TRIQK: variants seen among roughly 807,000 people sequenced by gnomAD.
TRIQK encodes the protein triple QxxK/R motif-containing protein.
TRIQK carries 10 observed loss-of-function variants against 10.8 expected under a neutral mutation model. The ratio of observed to expected loss-of-function variants is 0.92; its 90% CI spans 0.57 to 1.57. The LOEUF (loss-of-function observed/expected upper bound fraction) is 1.57. Among genes scored for constraint, TRIQK ranks in the 40% most tolerant of loss-of-function variants. The pLI is 0.00. For synonymous variants in TRIQK, 33 were observed against 33.7 expected, an observed-to-expected ratio of 0.98 and a Z score of 0.07; for missense variants, 107 against 97.7, an observed-to-expected ratio of 1.09 and a Z score of -0.40.
chr8:92,991,919 A>G (rs1813099672), intron 1 of TRIQK, among the ~76,000 whole-genome samples: 1 of 152,180 alleles, frequency 6.6e-6, no homozygotes, highest in Non-Finnish European at 1.5e-5. Context: ...TACAAAGAGA[A>G]TAAAATACCT....
intron 1 of TRIQK, among the ~76,000 whole-genome samples, chr8:93,009,099 A>C (rs1813302631): frequency 6.6e-6 from 1 of 152,244 alleles, no homozygotes; most frequent in Non-Finnish European, 1.5e-5. Flanking sequence ...GCAATGGGTT[A>C]CTATCCGGAA....
chr8:93,003,239 G>A (rs897009431), intron 1 of TRIQK, among the ~76,000 whole-genome samples: 4 of 151,548 alleles, frequency 2.6e-5, no homozygotes, highest in Admixed American at 2.6e-4. Flanking sequence ...TGGCTGGGTG[G>A]GGGCGGTGCT....
At chr8:92,911,131 G>A (rs1809545496) in intron 3 of TRIQK, among the ~76,000 whole-genome samples, 1 of 151,266 alleles carries the variant, frequency 6.6e-6, no homozygotes, top group Non-Finnish European at 1.5e-5. Context: ...TTGAGAAAAA[G>A]TAAGAGTGGA....
At chr8:92,987,383 G>A (rs185976634) in intron 1 of TRIQK, among the ~76,000 whole-genome samples, 7 of 152,266 alleles carry the variant, frequency 4.6e-5, no homozygotes, top group African/African-American at 1.7e-4. Flanking sequence ...CAACTAAAAG[G>A]AGAATTAGTT....
At chr8:92,931,066 T>C (rs1810698953) in intron 2 of TRIQK, among the ~76,000 whole-genome samples, 2 of 152,174 alleles carry the variant, frequency 1.3e-5, no homozygotes, top group Non-Finnish European at 2.9e-5. Flanking sequence ...CTCAGAATTT[T>C]CAATAAATTT....
chr8:92,980,119 A>C (rs937717426), intron 1 of TRIQK, among the ~76,000 whole-genome samples: 2 of 151,992 alleles, frequency 1.3e-5, no homozygotes, highest in Non-Finnish European at 2.9e-5. Flanking sequence ...AGAACACTCT[A>C]TTTTGGACTT....
chr8:92,900,028 C>T (rs936709331), intron 3 of TRIQK, among the ~76,000 whole-genome samples: 1 of 152,130 alleles, frequency 6.6e-6, no homozygotes, highest in East Asian at 1.9e-4. Context: ...TTTCATACAC[C>T]TGTTTGCTAC....
intron 2 of TRIQK, chr8:92,929,471 C>T (rs960884379): frequency 2.0e-5 from 3 of 152,100 alleles, no homozygotes; most frequent in African/African-American, 7.2e-5. Flanking sequence ...AAAATACCCA[C>T]AAATATTTTA....
intron 3 of TRIQK, among the ~76,000 whole-genome samples, chr8:92,896,471 A>T (rs542334288): frequency 6.6e-6 from 1 of 152,154 alleles, no homozygotes; most frequent in African/African-American, 2.4e-5. Flanking sequence ...GAGAAAAGCC[A>T]CCTCAGAGAC....
chr8:92,901,410 G>T (rs1212070493), intron 3 of TRIQK, among the ~76,000 whole-genome samples: 1 of 152,038 alleles, frequency 6.6e-6, no homozygotes, highest in Non-Finnish European at 1.5e-5. Context: ...TTACGTTGAG[G>T]TATGTTCCTT....
Position 92,987,844 on chromosome 8 carries a change from A to C in TRIQK, c.-181+29765T>G, listed in dbSNP as rs532158291. 5.7e-4 allele frequency among the ~76,000 whole-genome samples: 86 copies of C among 152,190 alleles called. 4 individuals carry two copies. The highest frequency in any genetic ancestry group is 5.2e-3 in the Admixed American group (80 of 15,292). Reference sequence around the variant, plus strand: ...GTAAAAATTCAAGCTAATAAACAGAATATTTACTAAGATCTCAATAATGAT... The same window carrying C: ...GTAAAAATTCAAGCTAATAAACAGACTATTTACTAAGATCTCAATAATGAT... On this transcript the variant is annotated intron_variant, in intron 1 of 4. Coordinates refer to the TRIQK transcript ENST00000520686.
In TRIQK at chr8:92,923,965, A is replaced by C. The variant is rs1810314665; in HGVS notation, c.-21-6955T>G. Among the ~76,000 whole-genome samples, 3 of 151,978 alleles carry C rather than the reference A, an allele frequency of 2.0e-5. No individual in the cohort carries two copies. In the South Asian group the frequency reaches 6.2e-4, roughly 31 times the overall value. On this transcript the variant is annotated intron_variant, in intron 2 of 4. Coordinates refer to ENST00000521988, the MANE Select transcript of TRIQK (RefSeq NM_001171797.2). ...TGTCTCTGCTTCCAGAAAAAGCACT[A>C]AATCCAGACTGTGACATTTAAATAC...
At chr8:92,924,887 A>G (rs2130511979) in intron 2 of TRIQK, among the ~76,000 whole-genome samples, 1 of 152,144 alleles carries the variant, frequency 6.6e-6, no homozygotes, top group South Asian at 2.1e-4. Context: ...GTTATTCTAA[A>G]GTTTTCAGAG....
chr8:92,964,179 C>A (rs1261596607), intron 1 of TRIQK, among the ~76,000 whole-genome samples: 1 of 151,988 alleles, frequency 6.6e-6, no homozygotes, highest in Non-Finnish European at 1.5e-5. Flanking sequence ...GTAAGAGGCA[C>A]TGTGGAAGAA....
rs1811144537 is a variant in TRIQK at position 92,939,133 on chromosome 8, AAG to A, written c.-22+15271_-22+15272del. Reference sequence around the variant, plus strand: ...ATTGGGGCTTTTTGTTGAGAGGAGAAAGAGAGTTAAAATCAGTATGGTCAGGT... The same window carrying A: ...ATTGGGGCTTTTTGTTGAGAGGAGAAAGAGTTAAAATCAGTATGGTCAGGT... On this transcript the variant is annotated intron_variant, in intron 2 of 4. Coordinates refer to ENST00000521988, the MANE Select transcript of TRIQK (RefSeq NM_001171797.2). Among the ~76,000 whole-genome samples the A allele has an allele frequency of 2.0e-5, 3 of 152,314 alleles. No individual in the cohort carries two copies. The South Asian group carries it at 6.2e-4, about 32-fold the overall frequency.
At chr8:93,009,331 C>T (rs1363584368) in intron 1 of TRIQK, among the ~76,000 whole-genome samples, 3 of 152,058 alleles carry the variant, frequency 2.0e-5, no homozygotes, top group Admixed American at 6.5e-5. Flanking sequence ...CAAAAGAGGC[C>T]GGGTGCAGTG....
At position 92,884,060 on chromosome 8, in the gene TRIQK, C is replaced by T. The variant is rs982673939; in HGVS notation, c.*2562G>A. ...TTATTTTGCAGAGTATGTTAACAAA[C>T]ATATTCTAACACTTAAAAAATCATT... is the stretch of plus-strand genomic sequence containing the variant. On this transcript the variant is annotated 3_prime_UTR_variant, in exon 5 of 5. Transcript: ENST00000521988. The T allele has an allele frequency of 6.6e-6, 1 of 151,700 alleles. No homozygotes were observed. The highest frequency in any genetic ancestry group is 2.4e-5 in the African/African-American group (1 of 41,360). 9.4% of individuals were successfully genotyped at this position (151,700 alleles called of 1,614,324 possible). A position where few individuals can be genotyped will look rare whatever the true frequency, so the allele number is the denominator to read the frequency against.
At position 92,995,615 on chromosome 8, in the gene TRIQK, G is replaced by A. The variant is rs766507173; in HGVS notation, c.-181+21994C>T. 1.7e-4 allele frequency among the ~76,000 whole-genome samples: 25 copies of A among 151,284 alleles called. 1 individual carries two copies. Among genetic ancestry groups the A allele is most frequent in the Non-Finnish European group, 2.7e-4 (18 of 67,782 alleles). On this transcript the variant is annotated intron_variant, in intron 1 of 4. Coordinates refer to the TRIQK transcript ENST00000520686. ...ACCCTTCTTTTCCATTCACTGATTT[G>A]GTTCACAACAGTGATCATCTTCCCT...
At chr8:92,955,432 G>A (rs1812120488) in intron 1 of TRIQK, among the ~76,000 whole-genome samples, 1 of 151,668 alleles carries the variant, frequency 6.6e-6, no homozygotes, top group African/African-American at 2.4e-5. Flanking sequence ...AATTCAAGAT[G>A]AATCACAGAA....
Sources: gnomAD v4.1 joint callset for allele counts (sites outside exome capture counted in the v4.1 genomes callset) on GRCh38, gnomAD v4.1.1 for gene constraint, MANE v1.5 for transcripts, NCBI Gene and HGNC (gene_info 2026-07-23, HGNC 2026-07-21) for gene names.